The following CSMD1 variants were observed in gnomAD, a reference collection of about 807,000 sequenced individuals.
The protein encoded by CSMD1 is CUB and Sushi multiple domains 1.
A neutral mutation model predicts 417.5 loss-of-function variants in CSMD1; 213 were observed. The ratio of observed to expected loss-of-function variants is 0.51; its 90% confidence interval spans 0.46 to 0.57. The LOEUF (loss-of-function observed/expected upper bound fraction) is 0.57, where lower values mean the gene tolerates loss of function less well. Ranked by LOEUF, CSMD1 falls within the 20% of genes least tolerant of loss-of-function variation. The pLI, the probability that CSMD1 is intolerant of heterozygous loss-of-function variation, is 0.00. For synonymous variants in CSMD1, 2,862 were observed against 1,736.8 expected (o/e 1.65, Z -16.11); for missense variants, 6,923 against 4,529.7 (o/e 1.53, Z -15.17).
At chr8:4,057,271 C>G (rs924649430) in intron 3 of CSMD1, among the ~76,000 whole-genome samples, 28 of 152,164 alleles carry the variant, frequency 1.8e-4, no homozygotes, top group Admixed American at 1.2e-3. Flanking sequence ...ATTTGCATTT[C>G]TCTGATGGCC....
intron 2 of CSMD1, among the ~76,000 whole-genome samples, chr8:4,482,076 C>G (rs186063565): frequency 2.0e-5 from 3 of 152,260 alleles, no homozygotes; most frequent in Non-Finnish European, 4.4e-5. Context: ...ATCATTGATA[C>G]AAAGGTAGCA....
At chr8:3,257,037 G>C (rs1800703195) in intron 26 of CSMD1, among the ~76,000 whole-genome samples, 2 of 152,092 alleles carry the variant, frequency 1.3e-5, no homozygotes, top group African/African-American at 4.8e-5. Flanking sequence ...AAATACTTCT[G>C]AGGGCCAGGT....
rs1028989883 is a variant in CSMD1 at position 4,536,911 on chromosome 8, A to C, written c.302+100431T>G. Among the ~76,000 whole-genome samples, 5 of 152,342 alleles carry C rather than the reference A, an allele frequency of 3.3e-5. No homozygotes were observed. In the East Asian group the frequency reaches 9.6e-4, roughly 29 times the overall value. ...CTCCAGACTCTCAGGGAGAAATTGTAAAACTGTGTAAAAATGTAAAATGTT... is the reference window on the plus strand; with the variant it reads ...CTCCAGACTCTCAGGGAGAAATTGTCAAACTGTGTAAAAATGTAAAATGTT... On this transcript the variant is annotated intron_variant, in intron 2 of 69. Coordinates refer to ENST00000635120, the MANE Select transcript of CSMD1 (RefSeq NM_033225.6).
chr8:4,380,881 A>G (rs1803059297), intron 3 of CSMD1, among the ~76,000 whole-genome samples: 1 of 152,060 alleles, frequency 6.6e-6, no homozygotes, highest in Non-Finnish European at 1.5e-5. Context: ...TACTTTTTAT[A>G]TTTTAGGTAG....
At chr8:3,904,730 G>C (rs2930375) in intron 5 of CSMD1, among the ~76,000 whole-genome samples, 1 of 150,104 alleles carries the variant, frequency 6.7e-6, no homozygotes, top group Non-Finnish European at 1.5e-5. Context: ...TCGGCCTCCC[G>C]GGTTCAAGTG....
chr8:3,507,016 T>C (rs1206377610), intron 10 of CSMD1, among the ~76,000 whole-genome samples: 7 of 152,212 alleles, frequency 4.6e-5, no homozygotes, highest in Non-Finnish European at 8.8e-5. Context: ...TACAAGATGT[T>C]GTAAGAATTG....
chr8:3,940,207 T>G (rs1426280), intron 5 of CSMD1, among the ~76,000 whole-genome samples: 57,890 of 151,526 alleles, frequency 0.38, 11,256 homozygotes, highest in East Asian at 0.48. Flanking sequence ...TTTGAAAAAG[T>G]TCTACCACCA....
chr8:4,184,995 T>C (rs1480360519), intron 3 of CSMD1, among the ~76,000 whole-genome samples: 2 of 151,328 alleles, frequency 1.3e-5, no homozygotes, highest in African/African-American at 4.9e-5. Context: ...AAAAATTAGC[T>C]GGGCCTGGTG....
intron 25 of CSMD1, among the ~76,000 whole-genome samples, chr8:3,291,747 A>G (rs868663892): frequency 1.3e-5 from 2 of 151,874 alleles, no homozygotes; most frequent in Admixed American, 1.3e-4. Flanking sequence ...CTAGTGGTTT[A>G]TCAGTTTTGT....
intron 23 of CSMD1, among the ~76,000 whole-genome samples, chr8:3,313,925 G>C (rs1584982930): frequency 6.6e-6 from 1 of 152,288 alleles, no homozygotes. Context: ...ATACACCATG[G>C]AATACTATGC....
At chr8:4,165,915 T>C (rs956962733) in intron 3 of CSMD1, among the ~76,000 whole-genome samples, 2 of 152,228 alleles carry the variant, frequency 1.3e-5, no homozygotes, top group African/African-American at 4.8e-5. Flanking sequence ...ATCAGATATA[T>C]ATATACTGGA....
intron 1 of CSMD1, among the ~76,000 whole-genome samples, chr8:4,694,191 A>T (rs2617012): frequency 6.6e-6 from 1 of 152,110 alleles, no homozygotes; most frequent in African/African-American, 2.4e-5. Context: ...TGCTCTCTGA[A>T]ATAAATGCGT....
At chr8:4,406,120 C>G (rs1027846375) in intron 3 of CSMD1, among the ~76,000 whole-genome samples, 1 of 152,138 alleles carries the variant, frequency 6.6e-6, no homozygotes, top group African/African-American at 2.4e-5. Flanking sequence ...CGGAACCAAA[C>G]AGCTGTCAGA....
chr8:3,106,541 G>T lies in CSMD1; in HGVS notation c.6936C>A (p.Leu2312=). ...AACAGTGCATACCTTCACATGTTGGGAGAGAACCCTCAAACTGCAACTGGG... is the reference window on the plus strand; with the variant it reads ...AACAGTGCATACCTTCACATGTTGGTAGAGAACCCTCAAACTGCAACTGGG... The part of the protein sequence containing the change: ...LSSQLQFEGS[L]PTCEAQCPAN... The change falls in exon 46 of 70, where the codon CTC becomes CTA. Residue 2312 remains leucine, a synonymous_variant. Coordinates refer to ENST00000635120, the MANE Select transcript of CSMD1 (RefSeq NM_033225.6). 2 of 1,611,880 alleles carry T rather than the reference G, an allele frequency of 1.2e-6. No homozygotes were observed. The highest frequency in any genetic ancestry group is 2.2e-5 in the South Asian group (2 of 90,944).
intron 25 of CSMD1, among the ~76,000 whole-genome samples, chr8:3,296,100 G>A (rs1803945115): frequency 6.6e-6 from 1 of 151,888 alleles, no homozygotes; most frequent in African/African-American, 2.4e-5. Context: ...AAATGCAATT[G>A]AAGAAATAAA....
chr8:3,278,193 A>G (rs1366988983), intron 26 of CSMD1, among the ~76,000 whole-genome samples: 1 of 152,210 alleles, frequency 6.6e-6, no homozygotes, highest in African/African-American at 2.4e-5. Context: ...AAGAGTTTCC[A>G]GAAGAGAGAG....
intron 3 of CSMD1, among the ~76,000 whole-genome samples, chr8:4,203,699 C>A (rs1585016863): frequency 1.3e-5 from 2 of 152,210 alleles, no homozygotes; most frequent in Admixed American, 6.5e-5. Flanking sequence ...CACACACACA[C>A]AAACATACAC....
Position 3,615,352 on chromosome 8 carries a change from C to G in CSMD1, c.1097+1358G>C, listed in dbSNP as rs369868443. ...AGTAAAAACATCCTTCTGCTTAGCTCTTTACTCCAATTCTATTCCACTTCC... is the reference window on the plus strand; with the variant it reads ...AGTAAAAACATCCTTCTGCTTAGCTGTTTACTCCAATTCTATTCCACTTCC... On this transcript the variant is annotated intron_variant, in intron 8 of 69. Transcript: ENST00000635120. Among the ~76,000 whole-genome samples, 7 of 152,270 alleles carry G rather than the reference C, an allele frequency of 4.6e-5. No homozygotes were observed. In the East Asian group the frequency reaches 5.8e-4, roughly 13 times the overall value.
chr8:3,637,943 G>T (rs565155063), intron 7 of CSMD1, among the ~76,000 whole-genome samples: 1 of 152,144 alleles, frequency 6.6e-6, no homozygotes, highest in Admixed American at 6.5e-5. Context: ...ACATGACTTT[G>T]GTTCTCCTTC....
Sources: gnomAD v4.1 joint callset for allele counts (sites outside exome capture counted in the v4.1 genomes callset) on GRCh38, gnomAD v4.1.1 for gene constraint, MANE v1.5 for transcripts, NCBI Gene and HGNC (gene_info 2026-07-23, HGNC 2026-07-21) for gene names.